Variants in DTX1 observed in about 807,000 individuals in gnomAD.
The protein encoded by DTX1 is E3 ubiquitin-protein ligase DTX1.
DTX1 carries 26 observed loss-of-function variants against 57.8 expected under a neutral mutation model. The observed-to-expected ratio is 0.45, with a 90% CI of 0.33 to 0.62. DTX1 has a LOEUF of 0.62. Ranked by LOEUF, DTX1 falls within the 20% of genes least tolerant of loss-of-function variation. The pLI is 0.02. For synonymous variants in DTX1, 398 were observed against 394.1 expected (o/e 1.01, Z -0.12); for missense variants, 704 against 895.3 (o/e 0.79, Z 2.73).
chr12:113,096,765 CGGCACGTCCAACACCACG>C lies in DTX1; in HGVS notation c.1693_1710del (p.Thr565_Gly570del). 1 of 1,613,720 alleles carries C rather than the reference CGGCACGTCCAACACCACG, an allele frequency of 6.2e-7. No individual in the cohort carries two copies. Among genetic ancestry groups the C allele is most frequent in the Non-Finnish European group, 8.5e-7 (1 of 1,179,986 alleles). ...GGGAGAGAAGACTCATCTTCACTAT[CGGCACGTCCAACACCACG>C]GGCGAGTCGGACACCGTGGTGTGGA... On this transcript the variant is annotated inframe_deletion, in exon 10 of 10. Transcript: ENST00000548759.
intron 3 of DTX1, among the ~76,000 whole-genome samples, chr12:113,087,216 A>C (rs1008919549): frequency 2.0e-5 from 3 of 152,168 alleles, no homozygotes; most frequent in Admixed American, 2.0e-4. Context: ...GGGGACTTTT[A>C]CATCCTTTAA....
chr12:113,083,099 C>T (rs2044829990), intron 3 of DTX1, among the ~76,000 whole-genome samples: 2 of 152,162 alleles, frequency 1.3e-5, no homozygotes, highest in Non-Finnish European at 2.9e-5. Flanking sequence ...TATGGTCTTC[C>T]CTCTGTACCT....
Position 113,096,771 on chromosome 12 carries a change from G to A in DTX1, c.1695G>A (p.Thr565=), listed in dbSNP as rs757587824. 23 of 1,613,668 alleles carry A rather than the reference G, an allele frequency of 1.4e-5. No homozygotes were observed. Among genetic ancestry groups the A allele is most frequent in the Admixed American group, 3.3e-5 (2 of 60,002 alleles). ...GAAGACTCATCTTCACTATCGGCAC[G>A]TCCAACACCACGGGCGAGTCGGACA... ...WERRLIFTIG[T]SNTTGESDTV... is the part of the protein sequence containing the mutation. Residue 565 remains threonine (T), a synonymous_variant, in exon 10 of 10, where the codon ACG becomes ACA. Coordinates refer to ENST00000548759, the MANE Select transcript of DTX1 (RefSeq NM_004416.3).
chr12:113,075,405 A>C (rs1464170949), intron 2 of DTX1, among the ~76,000 whole-genome samples: 3 of 152,206 alleles, frequency 2.0e-5, no homozygotes, highest in African/African-American at 7.2e-5. Flanking sequence ...GGGGCCACTA[A>C]GGCCTGAGGA....
chr12:113,059,037 T>A (rs1041414104), intron 2 of DTX1, among the ~76,000 whole-genome samples: 5 of 151,828 alleles, frequency 3.3e-5, no homozygotes. Context: ...GGTGGAGTCG[T>A]GCTGGTGGTA....
intron 3 of DTX1, among the ~76,000 whole-genome samples, chr12:113,089,700 C>T (rs952810176): frequency 6.6e-6 from 1 of 152,238 alleles, no homozygotes; most frequent in African/African-American, 2.4e-5. Context: ...TACCTCGGGA[C>T]TGTCCCCCAG....
At chr12:113,086,010 G>A (rs1674117) in intron 3 of DTX1, among the ~76,000 whole-genome samples, 87,763 of 151,996 alleles carry the variant, frequency 0.58, 25,634 homozygotes, top group Middle Eastern at 0.7. Context: ...GCTCACACCT[G>A]TAATCCCAGC....
At chr12:113,092,177 G>A (rs150027646) in intron 3 of DTX1, among the ~76,000 whole-genome samples, 2 of 152,316 alleles carry the variant, frequency 1.3e-5, no homozygotes, top group Non-Finnish European at 2.9e-5. Flanking sequence ...AGGACTTAGT[G>A]CCTGGGAAGC....
intron 3 of DTX1, among the ~76,000 whole-genome samples, chr12:113,087,476 T>C (rs1030158106): frequency 1.1e-4 from 17 of 151,644 alleles, no homozygotes; most frequent in Non-Finnish European, 2.4e-4. Context: ...GGCCCCAGGC[T>C]GTGTTCCCCA....
intron 3 of DTX1, among the ~76,000 whole-genome samples, chr12:113,084,796 A>G (rs550832061): frequency 6.6e-6 from 1 of 152,320 alleles, no homozygotes; most frequent in Non-Finnish European, 1.5e-5. Context: ...ACATTTGCAC[A>G]AGGTAACACA....
chr12:113,069,021 T>C (rs1018692511), intron 2 of DTX1, among the ~76,000 whole-genome samples: 5 of 152,248 alleles, frequency 3.3e-5, no homozygotes, highest in African/African-American at 1.2e-4. Context: ...CATTATCATA[T>C]GTTTATTATC....
rs2044633737 is a variant in DTX1 at position 113,057,444 on chromosome 12, G to C, written c.-744-5G>C. On this transcript the variant is annotated splice_region_variant and splice_polypyrimidine_tract_variant and intron_variant, in intron 1 of 9. Transcript: ENST00000548759. ...AGGGCCCTCTCCCCTCTTGTCTCCTGGCAGGTCGCGAGCACGAGTGGGGTG... is the reference window on the plus strand; with the variant it reads ...AGGGCCCTCTCCCCTCTTGTCTCCTCGCAGGTCGCGAGCACGAGTGGGGTG... The C allele has an allele frequency of 6.6e-6, 1 of 152,518 alleles. No individual in the cohort carries two copies. The highest frequency in any genetic ancestry group is 1.5e-5 in the Non-Finnish European group (1 of 68,256). 9.4% of individuals were successfully genotyped at this position (152,518 alleles called of 1,614,324 possible).
chr12:113,074,240 TAGTC>T (rs1327112342), intron 2 of DTX1, among the ~76,000 whole-genome samples: 4 of 151,986 alleles, frequency 2.6e-5, no homozygotes, highest in African/African-American at 7.3e-5. Context: ...TATATATATA[TAGTC>T]AGTCAGGTAA....
chr12:113,083,735 T>G (rs897769935), intron 3 of DTX1, among the ~76,000 whole-genome samples: 1 of 152,136 alleles, frequency 6.6e-6, no homozygotes, highest in Non-Finnish European at 1.5e-5. Flanking sequence ...TAGCTCTGTG[T>G]CTCTCTCTCT....
chr12:113,080,631 A>G (rs2044809847), intron 3 of DTX1, among the ~76,000 whole-genome samples: 1 of 152,228 alleles, frequency 6.6e-6, no homozygotes, highest in Non-Finnish European at 1.5e-5. Flanking sequence ...AATGGAAAAC[A>G]GAATAGAACT....
At chr12:113,068,888 C>A (rs1016914862) in intron 2 of DTX1, among the ~76,000 whole-genome samples, 1 of 152,224 alleles carries the variant, frequency 6.6e-6, no homozygotes, top group African/African-American at 2.4e-5. Flanking sequence ...AAGTTCAAAT[C>A]CTGACTAGAT....
chr12:113,088,126 T>C (rs553884176), intron 3 of DTX1, among the ~76,000 whole-genome samples: 3 of 152,278 alleles, frequency 2.0e-5, no homozygotes, highest in East Asian at 3.9e-4. Context: ...ACTCGGAAAC[T>C]CCAGGACCCA....
chr12:113,095,174 A>C lies in DTX1; in HGVS notation c.1519A>C (p.Ile507Leu), dbSNP rs1265507692. Residue 507 changes from isoleucine to leucine, a missense_variant, in exon 8 of 10, where the codon ATC becomes CTC. Around this residue, in one of 3 missense-constraint regions of DTX1, gnomAD observed 168 missense variants for 255.6 expected, o/e 0.66. Transcript: ENST00000548759. ...PGFPDTQTIR[I>L]VYDIPTGIQG... The stretch of plus-strand genomic sequence containing the variant: ...CTTCCCTGATACCCAGACCATCCGC[A>C]TCGTCTATGACATCCCCACAGGCAT... 6.2e-7 allele frequency: 1 copy of C among 1,611,916 alleles called. No individual in the cohort carries two copies. The highest frequency in any genetic ancestry group is 1.3e-5 in the African/African-American group (1 of 74,868).
chr12:113,067,911 C>A (rs2044714568), intron 2 of DTX1, among the ~76,000 whole-genome samples: 1 of 152,174 alleles, frequency 6.6e-6, no homozygotes, highest in African/African-American at 2.4e-5. Context: ...TGATGGCACA[C>A]ACCTGTGATC....
Sources: gnomAD v4.1 joint callset for allele counts (sites outside exome capture counted in the v4.1 genomes callset) on GRCh38, gnomAD v4.1.1 for gene constraint, gnomAD v4.1.1 regional missense constraint, MANE v1.5 for transcripts, NCBI Gene and HGNC (gene_info 2026-07-23, HGNC 2026-07-21) for gene names.